The following NTM variants were observed in gnomAD, a reference collection of about 807,000 sequenced individuals.
NTM encodes the protein neurotrimin.
In NTM, 13 loss-of-function variants were observed where a neutral mutation model predicts 42.1. The observed-to-expected ratio is 0.31, with a 90% CI of 0.20 to 0.49. The LOEUF (loss-of-function observed/expected upper bound fraction) is 0.49, where lower values mean the gene tolerates loss of function less well. NTM is among the 20% of genes least tolerant of loss of function. The probability of loss-of-function intolerance (pLI) is 0.99; values close to 1 mark genes in which losing one functional copy is unlikely to be tolerated. For synonymous variants in NTM, 187 were observed against 179.2 expected, an observed-to-expected ratio of 1.04 and a Z score of -0.35; for missense variants, 373 against 452.8, an observed-to-expected ratio of 0.82 and a Z score of 1.60.
intron 1 of NTM, among the ~76,000 whole-genome samples, chr11:131,738,768 T>C (rs1359575872): frequency 7.0e-6 from 1 of 143,496 alleles, no homozygotes; most frequent in Non-Finnish European, 1.6e-5. Flanking sequence ...ACAAGGTGAA[T>C]GCAAACTATT....
At chr11:132,153,540 C>T (rs909117584) in intron 3 of NTM, among the ~76,000 whole-genome samples, 1 of 152,158 alleles carries the variant, frequency 6.6e-6, no homozygotes, top group African/African-American at 2.4e-5. Flanking sequence ...ACAGCAATAT[C>T]AAGAGCAGCT....
At chr11:131,776,076 T>C (rs1325952862) in intron 1 of NTM, among the ~76,000 whole-genome samples, 1 of 152,176 alleles carries the variant, frequency 6.6e-6, no homozygotes, top group Non-Finnish European at 1.5e-5. Flanking sequence ...TCTCTCTCTG[T>C]CAAGGTGATG....
intron 1 of NTM, among the ~76,000 whole-genome samples, chr11:131,639,813 G>A (rs1434924516): frequency 3.3e-5 from 5 of 152,070 alleles, no homozygotes; most frequent in East Asian, 3.9e-4. Flanking sequence ...AAAATTAGCC[G>A]GGTGTGGTGG....
At chr11:132,253,297 A>G (rs1169464066) in intron 4 of NTM, among the ~76,000 whole-genome samples, 1 of 152,192 alleles carries the variant, frequency 6.6e-6, no homozygotes, top group Non-Finnish European at 1.5e-5. Context: ...GAGAGATAGC[A>G]TTACCCCATT....
At chr11:131,742,729 A>T (rs2081342394) in intron 1 of NTM, among the ~76,000 whole-genome samples, 1 of 152,242 alleles carries the variant, frequency 6.6e-6, no homozygotes, top group Non-Finnish European at 1.5e-5. Context: ...TTAAATAACC[A>T]ATGTAAATAG....
At chr11:132,171,128 A>G (rs1384583583) in intron 3 of NTM, among the ~76,000 whole-genome samples, 1 of 152,098 alleles carries the variant, frequency 6.6e-6, no homozygotes, top group African/African-American at 2.4e-5. Context: ...CCTTGTCTGA[A>G]AGATTCTGGT....
chr11:132,317,792 C>G lies in NTM; in HGVS notation c.934+3089C>G, dbSNP rs141391477. 2.9e-5 allele frequency: 18 copies of G among 621,076 alleles called. No homozygotes were observed. In the East Asian group the frequency reaches 1.2e-3, roughly 43 times the overall value. The allele number at this position is 621,076 out of a possible 1,614,324, so 38.5% of individuals were successfully genotyped here. A position where few individuals can be genotyped will look rare whatever the true frequency, so the allele number is the denominator to read the frequency against. ...CCCGAAGCACTTGTCTGTAAAGTGT[C>G]TTAGAGGATGTGGAAGGCTATTGAA... is the stretch of plus-strand genomic sequence containing the variant. On this transcript the variant is annotated intron_variant, in intron 7 of 8. Transcript: ENST00000683400.
intron 2 of NTM, among the ~76,000 whole-genome samples, chr11:132,134,510 A>G (rs962042211): frequency 1.3e-5 from 2 of 151,390 alleles, no homozygotes; most frequent in African/African-American, 4.8e-5. Context: ...CCAAAAAACA[A>G]TGTATCATTC....
At chr11:132,226,339 G>C (rs1033859878) in intron 4 of NTM, among the ~76,000 whole-genome samples, 7 of 152,258 alleles carry the variant, frequency 4.6e-5, no homozygotes, top group African/African-American at 1.4e-4. Context: ...CAGTGTAAAT[G>C]TTCCTATTTC....
intron 2 of NTM, among the ~76,000 whole-genome samples, chr11:131,975,637 C>T (rs1400232899): frequency 3.3e-5 from 5 of 152,156 alleles, no homozygotes; most frequent in Non-Finnish European, 7.3e-5. Flanking sequence ...TTGCTTGCCA[C>T]CCTATTTAAC....
intron 8 of NTM, among the ~76,000 whole-genome samples, chr11:132,333,113 G>A (rs1027641632): frequency 2.6e-5 from 4 of 152,166 alleles, no homozygotes; most frequent in African/African-American, 7.2e-5. Flanking sequence ...GACACGTATG[G>A]AATTGTACGG....
At chr11:131,687,677 T>C (rs2074077854) in intron 1 of NTM, among the ~76,000 whole-genome samples, 1 of 151,876 alleles carries the variant, frequency 6.6e-6, no homozygotes, top group Non-Finnish European at 1.5e-5. Context: ...CACCGAAATA[T>C]GAATGTCCAA....
chr11:131,790,339 A>G (rs1341063908), intron 1 of NTM, among the ~76,000 whole-genome samples: 1 of 152,182 alleles, frequency 6.6e-6, no homozygotes, highest in Non-Finnish European at 1.5e-5. Context: ...GCACCATCAT[A>G]TTGCAATGAC....
intron 2 of NTM, among the ~76,000 whole-genome samples, chr11:132,015,376 C>T (rs550822066): frequency 1.3e-5 from 2 of 151,898 alleles, no homozygotes; most frequent in South Asian, 4.2e-4. Context: ...TATTCAATAT[C>T]TTTTTTAAAG....
chr11:131,924,099 G>A (rs920139), intron 2 of NTM, among the ~76,000 whole-genome samples: 15,645 of 152,262 alleles, frequency 0.1, 878 homozygotes, highest in East Asian at 0.2. Context: ...TGTACCTCTC[G>A]TGACCCTGGA....
intron 5 of NTM, 53 bp from the exon 6 acceptor site, chr11:132,310,059 A>C: frequency 2.1e-6 from 2 of 935,652 alleles, no homozygotes; most frequent in Non-Finnish European, 2.9e-6. Context: ...TCCATCTCAA[A>C]AAAAAAAAAA....
At chr11:132,325,732 G>T (rs2095665299) in intron 7 of NTM, among the ~76,000 whole-genome samples, 1 of 152,138 alleles carries the variant, frequency 6.6e-6, no homozygotes, top group Admixed American at 6.5e-5. Context: ...GTTTATTGTG[G>T]CACTATTCAC....
chr11:131,854,130 T>C (rs922256334), intron 1 of NTM, among the ~76,000 whole-genome samples: 1 of 152,214 alleles, frequency 6.6e-6, no homozygotes, highest in Non-Finnish European at 1.5e-5. Context: ...ATCTCATAAC[T>C]GAAGTCATCT....
At chr11:131,634,661 G>A (rs2064148886) in intron 1 of NTM, among the ~76,000 whole-genome samples, 1 of 151,312 alleles carries the variant, frequency 6.6e-6, no homozygotes, top group Non-Finnish European at 1.5e-5. Context: ...AAAAGAGTGA[G>A]CTTCTTTAAT....
Sources: gnomAD v4.1 joint callset for allele counts (sites outside exome capture counted in the v4.1 genomes callset) on GRCh38, gnomAD v4.1.1 for gene constraint, MANE v1.5 for transcripts, NCBI Gene and HGNC (gene_info 2026-07-23, HGNC 2026-07-21) for gene names.